The following SLC44A5 variants were observed in gnomAD, a reference collection of about 807,000 sequenced individuals.
SLC44A5 encodes the protein choline transporter-like protein 5.
In SLC44A5, 57 loss-of-function variants were observed where a neutral mutation model predicts 101.8. The ratio of observed to expected loss-of-function variants is 0.56; its 90% CI spans 0.45 to 0.70. The LOEUF (loss-of-function observed/expected upper bound fraction) is 0.70. SLC44A5 is among the 30% of genes least tolerant of loss of function. The pLI, the probability that SLC44A5 is intolerant of heterozygous loss-of-function variation, is 0.00. For missense variants in SLC44A5, 737 were observed against 853.1 expected (o/e 0.86, Z 1.70); for synonymous variants, 281 against 290.9 (o/e 0.97, Z 0.35).
chr1:75,713,001 G>A, the SLC44A5 span, among the ~76,000 whole-genome samples: 11 of 152,164 alleles, frequency 7.2e-5, no homozygotes, highest in South Asian at 2.1e-4. Flanking sequence ...CTCACTCCAC[G>A]ATGACAACCT....
intron 2 of SLC44A5, among the ~76,000 whole-genome samples, chr1:75,453,245 C>A (rs1666004377): frequency 6.6e-6 from 1 of 152,072 alleles, no homozygotes; most frequent in Non-Finnish European, 1.5e-5. Flanking sequence ...CAAAACCACA[C>A]AATTACATAG....
the SLC44A5 span, among the ~76,000 whole-genome samples, chr1:75,631,227 C>A: frequency 7.9e-5 from 12 of 152,170 alleles, no homozygotes; most frequent in African/African-American, 2.7e-4. Context: ...TTTGAAAGTT[C>A]AACATGAATG....
intron 3 of SLC44A5, among the ~76,000 whole-genome samples, chr1:75,372,216 A>T (rs1250655225): frequency 6.7e-6 from 1 of 148,506 alleles, no homozygotes; most frequent in South Asian, 2.1e-4. Context: ...AAAAAAAAAA[A>T]CCTTCAGGGT....
At chr1:75,398,750 T>C (rs1662288466) in intron 2 of SLC44A5, among the ~76,000 whole-genome samples, 1 of 152,196 alleles carries the variant, frequency 6.6e-6, no homozygotes, top group African/African-American at 2.4e-5. Context: ...GTTTACAAGA[T>C]GGTTGAGCCT....
At chr1:75,719,920 T>C in the SLC44A5 span, among the ~76,000 whole-genome samples, 1 of 152,170 alleles carries the variant, frequency 6.6e-6, no homozygotes, top group Non-Finnish European at 1.5e-5. Flanking sequence ...CGTGAGACTC[T>C]ACACATGAAT....
At chr1:75,698,918 A>G in the SLC44A5 span, among the ~76,000 whole-genome samples, 6 of 152,194 alleles carry the variant, frequency 3.9e-5, no homozygotes, top group Non-Finnish European at 7.3e-5. Flanking sequence ...GGAAGATGAA[A>G]TGAATGAAAT....
rs1247407411 is a variant in SLC44A5, at chr1:75,536,797, G to A, written c.13+4638C>T. On this transcript the variant is annotated intron_variant, in intron 2 of 23. Coordinates refer to ENST00000370859, the MANE Select transcript of SLC44A5 (RefSeq NM_001130058.2). ...CGAGGCGGGCGGATCACGAGGTCAGGAGATCGAGACCATCCCGGCTAAAAC... is the reference window on the plus strand; with the variant it reads ...CGAGGCGGGCGGATCACGAGGTCAGAAGATCGAGACCATCCCGGCTAAAAC... Among the ~76,000 whole-genome samples the A allele has an allele frequency of 9.6e-5, 14 of 145,518 alleles. No individual in the cohort carries two copies. In the East Asian group the frequency reaches 2.4e-3, roughly 25 times the overall value.
intron 4 of SLC44A5, among the ~76,000 whole-genome samples, chr1:75,337,555 T>G (rs954606962): frequency 6.6e-6 from 1 of 152,234 alleles, no homozygotes; most frequent in Non-Finnish European, 1.5e-5. Flanking sequence ...AATCATTTTT[T>G]GATTCTGTTG....
At chr1:75,640,342 C>T in the SLC44A5 span, among the ~76,000 whole-genome samples, 3 of 152,030 alleles carry the variant, frequency 2.0e-5, no homozygotes, top group African/African-American at 7.2e-5. Flanking sequence ...CAGAAGTGCT[C>T]CAAGAGAGCA....
At chr1:75,682,948 C>T in the SLC44A5 span, among the ~76,000 whole-genome samples, 16 of 152,172 alleles carry the variant, frequency 1.1e-4, no homozygotes, top group African/African-American at 3.6e-4. Context: ...GGGCGAAGGA[C>T]ATGAATAGAC....
chr1:75,318,940 A>AC (rs1169725615), intron 4 of SLC44A5, among the ~76,000 whole-genome samples: 2 of 150,338 alleles, frequency 1.3e-5, no homozygotes, highest in South Asian at 2.1e-4. Context: ...ATCACTCCCA[A>AC]CCCCCCCTGC....
intron 2 of SLC44A5, among the ~76,000 whole-genome samples, chr1:75,411,174 A>C (rs983210088): frequency 1.3e-5 from 2 of 152,140 alleles, no homozygotes; most frequent in African/African-American, 4.8e-5. Flanking sequence ...AGATTAGATA[A>C]AAAACAGTAT....
intron 3 of SLC44A5, among the ~76,000 whole-genome samples, chr1:75,391,645 G>T (rs558317293): frequency 1.6e-4 from 25 of 152,266 alleles, no homozygotes; most frequent in Middle Eastern, 3.4e-3. Flanking sequence ...TTAATAAATG[G>T]TGTTGTGGTA....
At position 75,254,624 on chromosome 1, in the gene SLC44A5, T is replaced by G. The variant is rs376332222; in HGVS notation, c.261-3330A>C. Among the ~76,000 whole-genome samples, 16 of 152,216 alleles carry G rather than the reference T, an allele frequency of 1.1e-4. No homozygotes were observed. The East Asian group carries it at 3.1e-3, about 30-fold the overall frequency. ...GGAGGATGTGATTTGATCACAATTT[T>G]ACAGGAGAGTTCAGCAATATTTGGA... is the stretch of plus-strand genomic sequence containing the variant. On this transcript the variant is annotated intron_variant, in intron 6 of 23. Transcript: ENST00000370859.
intron 5 of SLC44A5, among the ~76,000 whole-genome samples, chr1:75,287,228 G>A (rs1479547036): frequency 6.6e-6 from 1 of 151,774 alleles, no homozygotes; most frequent in Admixed American, 6.6e-5. Context: ...CAATTCTGCT[G>A]TTGAGAATTT....
intron 2 of SLC44A5, among the ~76,000 whole-genome samples, chr1:75,403,546 C>T (rs1268920556): frequency 6.6e-6 from 1 of 152,168 alleles, no homozygotes; most frequent in Non-Finnish European, 1.5e-5. Flanking sequence ...TGGTGATACC[C>T]AGGAAAACAG....
intron 23 of SLC44A5, among the ~76,000 whole-genome samples, chr1:75,210,340 A>G (rs915410710): frequency 3.3e-5 from 5 of 152,120 alleles, no homozygotes; most frequent in East Asian, 3.8e-4. Flanking sequence ...GATTACAGGT[A>G]TGAGCCACAG....
intron 2 of SLC44A5, among the ~76,000 whole-genome samples, chr1:75,450,014 A>G (rs1037339810): frequency 1.3e-5 from 2 of 152,166 alleles, no homozygotes; most frequent in African/African-American, 4.8e-5. Flanking sequence ...AAAAAAATTA[A>G]TCGCAGGATA....
chr1:75,565,869 A>G (rs1672759580), intron 1 of SLC44A5, among the ~76,000 whole-genome samples: 1 of 152,226 alleles, frequency 6.6e-6, no homozygotes, highest in African/African-American at 2.4e-5. Flanking sequence ...ATAGACCTTT[A>G]TAGGTAATGA....
Sources: gnomAD v4.1 joint callset for allele counts (sites outside exome capture counted in the v4.1 genomes callset) on GRCh38, gnomAD v4.1.1 for gene constraint, MANE v1.5 for transcripts, NCBI Gene and HGNC (gene_info 2026-07-23, HGNC 2026-07-21) for gene names.